The following PTGDS variants were observed in gnomAD, a reference collection of about 807,000 sequenced individuals.
PTGDS encodes prostaglandin D2 synthase.
Under a neutral mutation model 28.4 loss-of-function variants are expected in PTGDS, and 21 were observed. The ratio of observed to expected loss-of-function variants is 0.74; its 90% confidence interval spans 0.52 to 1.07. The LOEUF (loss-of-function observed/expected upper bound fraction) is 1.07. PTGDS is among the 50% of genes least tolerant of loss of function. PTGDS has a pLI of 0.00. For missense variants in PTGDS, 243 were observed against 247.7 expected, an observed-to-expected ratio of 0.98 and a Z score of 0.13; for synonymous variants, 102 against 106.0, an observed-to-expected ratio of 0.96 and a Z score of 0.23.
intron 5 of PTGDS, 36 bp from the exon 6 acceptor site, chr9:136,980,797 G>A (rs1830439140): frequency 6.2e-7 from 1 of 1,613,826 alleles, no homozygotes; most frequent in South Asian, 1.1e-5. Context: ...CTAAGTCTGG[G>A]GTTCTGACGA....
chr9:136,980,622 TA>T, intron 5 of PTGDS: 1 of 1,520,206 alleles, frequency 6.6e-7, no homozygotes, highest in South Asian at 1.3e-5. Context: ...CACAGCCTCC[TA>T]GGGGTGGACA....
chr9:136,979,575 G>A, intron 3 of PTGDS: 1 of 906,206 alleles, frequency 1.1e-6, no homozygotes, highest in Non-Finnish European at 1.6e-6. Context: ...CACATAAGCA[G>A]CCCCCCAAGG....
chr9:136,979,047 G>T lies in PTGDS; in HGVS notation c.169G>T (p.Glu57Ter), dbSNP rs777530121. The T allele has an allele frequency of 1.2e-6, 2 of 1,608,880 alleles. No homozygotes were observed. Among genetic ancestry groups the T allele is most frequent in the Non-Finnish European group, 1.7e-6 (2 of 1,177,544 alleles). The change falls in exon 2 of 7, where the codon GAG becomes TAG. Residue 57 changes from glutamate (E) to a stop codon, truncating the protein, a stop_gained. Transcript: ENST00000371625. LOFTEE classifies it high-confidence loss of function. The stretch of plus-strand genomic sequence containing the variant: ...CGCCTCCAACTCGAGCTGGCTCCGG[G>T]AGAAGAAGGCGGCGTTGTCCATGTG... ...GLASNSSWLR[E>*]KKAALSMCKS... is the part of the protein sequence containing the mutation.
At chr9:136,978,922 GC>G in intron 1 of PTGDS, 70 bp from the exon 2 acceptor site, 1 of 1,572,872 alleles carries the variant, frequency 6.4e-7, no homozygotes, top group Non-Finnish European at 8.6e-7. Context: ...GACGGCAGAG[GC>G]GCCCCCGCAG....
chr9:136,980,750 T>A (rs746899413), intron 5 of PTGDS, 83 bp from the exon 6 acceptor site: 8 of 1,613,706 alleles, frequency 5.0e-6, no homozygotes, highest in Non-Finnish European at 6.8e-6. Flanking sequence ...GAGCTCTGCG[T>A]TACGGGAGGA....
intron 5 of PTGDS, chr9:136,980,531 G>C (rs1050584169): frequency 9.9e-7 from 1 of 1,010,352 alleles, no homozygotes; most frequent in Non-Finnish European, 1.4e-6. Flanking sequence ...CTCCCAGGAT[G>C]TGGGGCTTCA....
At chr9:136,980,967 T>A in intron 6 of PTGDS, 112 bp downstream of exon 6, 2 of 1,408,588 alleles carry the variant, frequency 1.4e-6, no homozygotes, top group Non-Finnish European at 1.9e-6. Flanking sequence ...AGCCTGGTGC[T>A]GCAGACCCAT....
At chr9:136,980,809 A>T in intron 5 of PTGDS, 24 bp from the exon 6 acceptor site, 1 of 1,614,014 alleles carries the variant, frequency 6.2e-7, no homozygotes, top group African/African-American at 1.3e-5. Flanking sequence ...TTCTGACGAC[A>T]GCCCCTGGCT....
chr9:136,977,620 G>C lies in PTGDS; in HGVS notation c.42G>C (p.Leu14=). ...CACTGTGGATGGGACTGGCCCTGCTGGGGGTGCTGGGCGACCTGCAGGCAG... is the reference window on the plus strand; with the variant it reads ...CACTGTGGATGGGACTGGCCCTGCTCGGGGTGCTGGGCGACCTGCAGGCAG... ...HHTLWMGLAL[L]GVLGDLQAAP... The change falls in exon 1 of 7, where the codon CTG becomes CTC. Residue 14 remains leucine, a synonymous_variant. Coordinates refer to ENST00000371625, the MANE Select transcript of PTGDS (RefSeq NM_000954.6). 1 of 1,609,276 alleles carries C rather than the reference G, an allele frequency of 6.2e-7. No individual in the cohort carries two copies. The highest frequency in any genetic ancestry group is 1.3e-5 in the African/African-American group (1 of 74,866).
chr9:136,979,462 A>T (rs1721008954), intron 3 of PTGDS, 163 bp downstream of exon 3: 2 of 1,543,054 alleles, frequency 1.3e-6, no homozygotes, highest in Non-Finnish European at 8.7e-7. Context: ...CTACCCATGC[A>T]CAAGTGTTAG....
intron 1 of PTGDS, 36 bp from the exon 2 acceptor site, chr9:136,978,957 G>A: frequency 5.0e-6 from 8 of 1,598,358 alleles, no homozygotes; most frequent in Non-Finnish European, 6.8e-6. Context: ...GGTCCGGAGG[G>A]TCCTGGCCGA....
At position 136,979,216 on chromosome 9, in the gene PTGDS, C is replaced by A; in HGVS notation, c.255-7C>A. Reference sequence around the variant, plus strand: ...TAACCCCTGACCCTGAGGTCACCCACCTACAGGAAAAACCAGTGTGAGACC... The same window carrying A: ...TAACCCCTGACCCTGAGGTCACCCAACTACAGGAAAAACCAGTGTGAGACC... On this transcript the variant is annotated splice_region_variant and splice_polypyrimidine_tract_variant and intron_variant, in intron 2 of 6. Transcript: ENST00000371625. 6.2e-7 allele frequency: 1 copy of A among 1,613,110 alleles called. No homozygotes were observed. Among genetic ancestry groups the A allele is most frequent in the Non-Finnish European group, 8.5e-7 (1 of 1,179,866 alleles).
intron 6 of PTGDS, 49 bp downstream of exon 6, chr9:136,980,904 A>ATTCATTCATTC: frequency 8.3e-6 from 13 of 1,574,280 alleles, no homozygotes; most frequent in South Asian, 2.3e-5. Flanking sequence ...TCATTCATTC[A>ATTCATTCATTC]ACACACATCC....
At chr9:136,979,426 G>T (rs956179533) in intron 3 of PTGDS, 127 bp downstream of exon 3, 3 of 1,559,874 alleles carry the variant, frequency 1.9e-6, no homozygotes, top group Admixed American at 3.9e-5. Flanking sequence ...ACCAGCGTCA[G>T]AGGCAAAGGC....
At position 136,977,584 on chromosome 9, in the gene PTGDS, T is replaced by C; in HGVS notation, c.6T>C (p.Ala2=). ...ACCCGCTCTGCTGCAGGAGAATGGCTACTCATCACACACTGTGGATGGGAC... is the reference window on the plus strand; with the variant it reads ...ACCCGCTCTGCTGCAGGAGAATGGCCACTCATCACACACTGTGGATGGGAC... M[A]THHTLWMGLA... The change falls in exon 1 of 7, where the codon GCT becomes GCC. Residue 2 remains alanine, a synonymous_variant. Coordinates refer to ENST00000371625, the MANE Select transcript of PTGDS (RefSeq NM_000954.6). The C allele has an allele frequency of 6.3e-7, 1 of 1,596,054 alleles. No homozygotes were observed. The highest frequency in any genetic ancestry group is 8.5e-7 in the Non-Finnish European group (1 of 1,172,308).
chr9:136,979,553 T>A, intron 3 of PTGDS: 1 of 1,178,886 alleles, frequency 8.5e-7, no homozygotes, highest in South Asian at 1.6e-5. Flanking sequence ...CCCTGCCCTC[T>A]GGAGTTTTCC....
chr9:136,977,783 G>A, intron 1 of PTGDS, 91 bp downstream of exon 1: 1 of 1,226,550 alleles, frequency 8.2e-7, no homozygotes, highest in Non-Finnish European at 1.1e-6. Context: ...TGGGAGGAGT[G>A]AGCGAAGTCC....
intron 1 of PTGDS, 71 bp from the exon 2 acceptor site, chr9:136,978,922 G>A (rs766619320): frequency 1.3e-6 from 2 of 1,572,870 alleles, no homozygotes; most frequent in East Asian, 2.3e-5. Context: ...GACGGCAGAG[G>A]CGCCCCCGCA....
chr9:136,977,957 A>G (rs964119005), intron 1 of PTGDS, among the ~76,000 whole-genome samples: 1 of 152,166 alleles, frequency 6.6e-6, no homozygotes, highest in Non-Finnish European at 1.5e-5. Context: ...CACGCCAGCC[A>G]GACACGTCCA....
Sources: allele counts gnomAD v4.1 joint callset (sites outside exome capture counted in the v4.1 genomes callset), GRCh38; gene constraint gnomAD v4.1.1; transcripts MANE v1.5; gene names NCBI Gene and HGNC (gene_info 2026-07-23, HGNC 2026-07-21).